Variants in KIF26B observed in about 807,000 individuals in gnomAD.
KIF26B encodes kinesin family member 26B, also known as kinesin-like protein KIF26B.
A neutral mutation model predicts 151.2 loss-of-function variants in KIF26B; 63 were observed. That is an observed-to-expected ratio of 0.42 (90% confidence interval 0.34 to 0.51). KIF26B has a LOEUF of 0.51. KIF26B is among the 20% of genes least tolerant of loss of function. KIF26B has a pLI of 0.07. For synonymous variants in KIF26B, 1,357 were observed against 1,262.1 expected, an observed-to-expected ratio of 1.08 and a Z score of -1.59; for missense variants, 2,813 against 2,913.6, an observed-to-expected ratio of 0.97 and a Z score of 0.79.
At chr1:245,652,145 T>TGGGA (rs368258830) in intron 10 of KIF26B, among the ~76,000 whole-genome samples, 1,655 of 142,746 alleles carry the variant, frequency 0.012, 13 homozygotes, top group Middle Eastern at 0.014. Flanking sequence ...TGTGTGTGTG[T>TGGGA]GAGAGAGACA....
intron 2 of KIF26B, among the ~76,000 whole-genome samples, chr1:245,294,356 T>C (rs1032882538): frequency 6.6e-5 from 10 of 152,212 alleles, no homozygotes; most frequent in African/African-American, 2.4e-4. Flanking sequence ...GGACAATCCT[T>C]CCACGGTTCC....
chr1:245,649,024 G>A (rs968774081), intron 10 of KIF26B, among the ~76,000 whole-genome samples: 3 of 152,156 alleles, frequency 2.0e-5, no homozygotes, highest in Admixed American at 2.0e-4. Context: ...TGGAAACACG[G>A]TGGCCCTGGC....
At chr1:245,275,205 A>G (rs7533266) in intron 2 of KIF26B, among the ~76,000 whole-genome samples, 24,075 of 151,996 alleles carry the variant, frequency 0.16, 2,143 homozygotes, top group African/African-American at 0.23. Flanking sequence ...ATTTGTTTAA[A>G]TTCATTGTAG....
chr1:245,475,240 G>C (rs1240481940), intron 4 of KIF26B, among the ~76,000 whole-genome samples: 1 of 151,844 alleles, frequency 6.6e-6, no homozygotes, highest in Non-Finnish European at 1.5e-5. Context: ...GAGCTGCTCA[G>C]ACAGTTGACC....
At chr1:245,508,758 A>T (rs1660774418) in intron 4 of KIF26B, among the ~76,000 whole-genome samples, 1 of 152,080 alleles carries the variant, frequency 6.6e-6, no homozygotes, top group Admixed American at 6.5e-5. Context: ...TGGAAGTGTG[A>T]CACCTTTCTG....
intron 9 of KIF26B, among the ~76,000 whole-genome samples, chr1:245,643,538 T>C (rs1212872003): frequency 6.6e-6 from 1 of 152,186 alleles, no homozygotes; most frequent in Admixed American, 6.5e-5. Context: ...AACATTTTAA[T>C]TTTACATATG....
At chr1:245,194,785 T>C (rs911634641) in intron 2 of KIF26B, among the ~76,000 whole-genome samples, 10 of 152,172 alleles carry the variant, frequency 6.6e-5, no homozygotes, top group African/African-American at 2.4e-4. Flanking sequence ...AGAATAAGAA[T>C]GCTGGTAATC....
At chr1:245,328,712 A>T (rs1672042188) in intron 2 of KIF26B, among the ~76,000 whole-genome samples, 1 of 152,122 alleles carries the variant, frequency 6.6e-6, no homozygotes, top group Non-Finnish European at 1.5e-5. Context: ...TGGCACTGTG[A>T]CCGCCCTCCT....
chr1:245,499,294 A>G (rs1660572742), intron 4 of KIF26B, among the ~76,000 whole-genome samples: 1 of 150,716 alleles, frequency 6.6e-6, no homozygotes, highest in African/African-American at 2.4e-5. Flanking sequence ...TTTCCTGGAA[A>G]CCCTTTCTAG....
At chr1:245,421,931 C>A (rs530841823) in intron 4 of KIF26B, among the ~76,000 whole-genome samples, 7 of 152,070 alleles carry the variant, frequency 4.6e-5, no homozygotes, top group African/African-American at 1.7e-4. Context: ...AAAGGAATAA[C>A]AAATCACTAG....
rs2103520205 is a variant in KIF26B at position 245,166,970 on chromosome 1, A to G, written c.465+10287A>G. On this transcript the variant is annotated intron_variant, in intron 2 of 14. Transcript: ENST00000407071. This position sits in a 1 kb window ranked among gnomAD's most constrained non-coding sequence, Gnocchi z 4.5. ...TCTGAGGGTAGAGTAAGTATTATTA[A>G]TTTTTTAAATATGCAGAACGATAAA... Among the ~76,000 whole-genome samples, 1 of 152,316 alleles carries G rather than the reference A, an allele frequency of 6.6e-6. No homozygotes were observed. The highest frequency in any genetic ancestry group is 2.1e-4 in the South Asian group (1 of 4,816).
At chr1:245,442,280 C>T (rs926977068) in intron 4 of KIF26B, among the ~76,000 whole-genome samples, 1 of 152,174 alleles carries the variant, frequency 6.6e-6, no homozygotes, top group Non-Finnish European at 1.5e-5. Flanking sequence ...CCTGTCCGTG[C>T]TCTGGGTACG....
rs756143226 is a variant in KIF26B at position 245,702,559 on chromosome 1, C to T, written c.6280C>T (p.His2094Tyr). The change falls in exon 15 of 15, where the codon CAT (histidine) becomes TAT (tyrosine). Residue 2094 changes from histidine to tyrosine, a missense_variant. By Grantham distance (83) the His-to-Tyr change is moderately conservative. Coordinates refer to ENST00000407071, the MANE Select transcript of KIF26B (RefSeq NM_018012.4). The surrounding 1 kb of genome is among the most constrained non-coding windows in gnomAD (Gnocchi z 4.1). Reference protein sequence around the residue: ...LESRVNFCKAHLMMITCFDIT... With the variant: ...LESRVNFCKAYLMMITCFDIT... ...GAGCCGTGTCAACTTCTGCAAGGCC[C>T]ATCTCATGATGATCACCTGCTTCGA... 1 of 1,613,980 alleles carries T rather than the reference C, an allele frequency of 6.2e-7. No homozygotes were observed. Among genetic ancestry groups the T allele is most frequent in the Non-Finnish European group, 8.5e-7 (1 of 1,179,880 alleles).
intron 4 of KIF26B, among the ~76,000 whole-genome samples, chr1:245,487,101 G>C (rs541580401): frequency 2.0e-5 from 3 of 152,112 alleles, no homozygotes; most frequent in South Asian, 4.2e-4. Context: ...ATTGAGAATG[G>C]GGGGGGTGGT....
intron 9 of KIF26B, among the ~76,000 whole-genome samples, chr1:245,619,204 T>C (rs1197229065): frequency 6.8e-6 from 1 of 147,064 alleles, no homozygotes; most frequent in South Asian, 2.2e-4. Flanking sequence ...TGGGGCTGTG[T>C]CTGCTGCGTG....
In KIF26B at chr1:245,685,982, A is replaced by G; in HGVS notation, c.2999A>G (p.Lys1000Arg). 1 of 1,598,174 alleles carries G rather than the reference A, an allele frequency of 6.3e-7. No individual in the cohort carries two copies. The highest frequency in any genetic ancestry group is 8.5e-7 in the Non-Finnish European group (1 of 1,172,898). Residue 1000 changes from lysine to arginine, a missense_variant, in exon 12 of 15, where the codon AAG becomes AGG. This residue lies in a region of KIF26B where 2,060 missense variants were observed against 2,088.6 expected (regional missense o/e 0.99). Transcript: ENST00000407071. ...NREGPELPASKMQRSHSPVPA... is the reference protein window; with the variant it reads ...NREGPELPASRMQRSHSPVPA... ...GAAGGCCCTGAACTCCCAGCCTCCA[A>G]GATGCAGAGGAGTCACTCACCTGTG... is the stretch of plus-strand genomic sequence containing the variant.
chr1:245,404,472 G>A (rs997045968), intron 3 of KIF26B, among the ~76,000 whole-genome samples: 3 of 152,212 alleles, frequency 2.0e-5, no homozygotes, highest in South Asian at 4.2e-4. Context: ...TTATTAGCTC[G>A]GGGAATCTCG....
rs181961256 is a variant in KIF26B at position 245,593,247 on chromosome 1, A to G, written c.1351-9330A>G. Among the ~76,000 whole-genome samples, 1,356 of 152,260 alleles carry G rather than the reference A, an allele frequency of 8.9e-3. 13 individuals carry two copies. Among genetic ancestry groups the G allele is most frequent in the Middle Eastern group, 0.031 (9 of 294 alleles). On this transcript the variant is annotated intron_variant, in intron 5 of 14. Transcript: ENST00000407071. The stretch of plus-strand genomic sequence containing the variant: ...GCAGGTTTGTTACATAGGTATACAC[A>G]TGCCATGGTGGTTTGCTGCACCCAT...
rs955037327 is a variant in KIF26B at position 245,512,193 on chromosome 1, C to T, written c.1167-28574C>T. 2.6e-5 allele frequency among the ~76,000 whole-genome samples: 4 copies of T among 152,156 alleles called. No homozygotes were observed. Among genetic ancestry groups the T allele is most frequent in the African/African-American group, 9.7e-5 (4 of 41,418 alleles). ...AAGTGGGATTTCTAACAATAAGAGT[C>T]GTGAGTTTTTCTGAGCTATCATTGC... is the stretch of plus-strand genomic sequence containing the variant. On this transcript the variant is annotated intron_variant, in intron 4 of 14. Coordinates refer to ENST00000407071, the MANE Select transcript of KIF26B (RefSeq NM_018012.4). The surrounding 1 kb of genome is among the most constrained non-coding windows in gnomAD (Gnocchi z 4.3).
Sources: allele counts gnomAD v4.1 joint callset (sites outside exome capture counted in the v4.1 genomes callset), GRCh38; gene constraint gnomAD v4.1.1; regional missense constraint gnomAD v4.1.1; non-coding constraint Gnocchi (gnomAD v3.1); transcripts MANE v1.5; gene names NCBI Gene and HGNC (gene_info 2026-07-23, HGNC 2026-07-21).